SLC12A6: variants seen among roughly 807,000 people sequenced by gnomAD.
SLC12A6 encodes the protein solute carrier family 12 member 6, also known as K-Cl cotransporter 3.
Under a neutral mutation model 135.3 loss-of-function variants are expected in SLC12A6, and 66 were observed. That is an observed-to-expected ratio of 0.49 (90% CI 0.40 to 0.60). The LOEUF is 0.60. SLC12A6 is among the 20% of genes least tolerant of loss of function. The pLI, the probability that SLC12A6 is intolerant of heterozygous loss-of-function variation, is 0.00. For missense variants in SLC12A6, 1,058 were observed against 1,452.3 expected (o/e 0.73, Z 4.41); for synonymous variants, 513 against 508.8 (o/e 1.01, Z -0.11).
At position 34,289,272 on chromosome 15, in the gene SLC12A6, T is replaced by C. The variant is rs149368122; in HGVS notation, c.272-13883A>G. Among the ~76,000 whole-genome samples, 59 of 152,340 alleles carry C rather than the reference T, an allele frequency of 3.9e-4. No individual in the cohort carries two copies. The East Asian group carries it at 7.7e-3, about 20-fold the overall frequency. On this transcript the variant is annotated intron_variant, in intron 2 of 25. Transcript: ENST00000354181. ...TGGTTTTTGTCATTGGTTCTGTTTATATGTTGGATTACGTTTATTGATTTG... is the reference window on the plus strand; with the variant it reads ...TGGTTTTTGTCATTGGTTCTGTTTACATGTTGGATTACGTTTATTGATTTG...
intron 2 of SLC12A6, among the ~76,000 whole-genome samples, chr15:34,319,075 A>G (rs1441934976): frequency 1.3e-5 from 2 of 151,752 alleles, no homozygotes; most frequent in Non-Finnish European, 2.9e-5. Context: ...TCTGCATGTC[A>G]TGATCTCAAC....
intron 2 of SLC12A6, among the ~76,000 whole-genome samples, chr15:34,287,430 C>T (rs971092939): frequency 3.9e-5 from 6 of 151,996 alleles, no homozygotes; most frequent in South Asian, 2.1e-4. Flanking sequence ...TGAATAGTGC[C>T]GCAATAAACA....
chr15:34,245,587 C>T, intron 14 of SLC12A6, 106 bp downstream of exon 14: 1 of 1,077,890 alleles, frequency 9.3e-7, no homozygotes. Context: ...ACTAAAAACC[C>T]ACGTCTCCAC....
intron 17 of SLC12A6, among the ~76,000 whole-genome samples, chr15:34,241,552 A>G (rs995525088): frequency 6.6e-6 from 1 of 152,202 alleles, no homozygotes; most frequent in African/African-American, 2.4e-5. Flanking sequence ...ACAGTTCCCA[A>G]TAAAGCCTGA....
At chr15:34,330,671 A>AAAAAAC (rs1279691270) in intron 2 of SLC12A6, among the ~76,000 whole-genome samples, 3 of 151,856 alleles carry the variant, frequency 2.0e-5, no homozygotes, top group Non-Finnish European at 4.4e-5. Context: ...TGTCTCAAAA[A>AAAAAAC]AAAAACAAAA....
chr15:34,317,596 G>C (rs1389076902), intron 2 of SLC12A6, among the ~76,000 whole-genome samples: 1 of 152,064 alleles, frequency 6.6e-6, no homozygotes, highest in Non-Finnish European at 1.5e-5. Context: ...CCAGCTACTC[G>C]GGAGGCTGAG....
chr15:34,242,287 C>A, intron 16 of SLC12A6, 66 bp from the exon 17 acceptor site: 1 of 1,150,742 alleles, frequency 8.7e-7, no homozygotes, highest in Non-Finnish European at 1.3e-6. Flanking sequence ...GTTAAAGGTG[C>A]TTCTCAAACT....
intron 15 of SLC12A6, among the ~76,000 whole-genome samples, chr15:34,244,364 C>G (rs1050410402): frequency 6.6e-6 from 1 of 152,194 alleles, no homozygotes; most frequent in Non-Finnish European, 1.5e-5. Flanking sequence ...ATTTAAAAAT[C>G]TCTTAAGCTG....
intron 2 of SLC12A6, among the ~76,000 whole-genome samples, chr15:34,331,267 G>A (rs1889826647): frequency 6.6e-6 from 1 of 152,154 alleles, no homozygotes; most frequent in African/African-American, 2.4e-5. Flanking sequence ...AGCCACCTGA[G>A]TAGCTGAGAT....
chr15:34,251,365 A>C (rs994760061), intron 10 of SLC12A6, among the ~76,000 whole-genome samples: 1 of 151,990 alleles, frequency 6.6e-6, no homozygotes, highest in African/African-American at 2.4e-5. Flanking sequence ...CTCCTGCCTC[A>C]GCATCCTGAG....
At chr15:34,261,183 A>G (rs1893099845) in intron 3 of SLC12A6, among the ~76,000 whole-genome samples, 163 bp from the exon 4 acceptor site, 1 of 152,214 alleles carries the variant, frequency 6.6e-6, no homozygotes, top group Admixed American at 6.5e-5. Flanking sequence ...ATGGAACAAA[A>G]TAAAACTCTC....
At chr15:34,271,110 G>C (rs2140863734) in intron 3 of SLC12A6, among the ~76,000 whole-genome samples, 1 of 152,246 alleles carries the variant, frequency 6.6e-6, no homozygotes, top group East Asian at 1.9e-4. Context: ...AAGATGAGTG[G>C]GGGGAGACAC....
At chr15:34,252,502 G>A in intron 9 of SLC12A6, 118 bp from the exon 10 acceptor site, 1 of 674,676 alleles carries the variant, frequency 1.5e-6, no homozygotes, top group African/African-American at 1.8e-5. Flanking sequence ...TACTGTTATG[G>A]GTGGGAAAGG....
intron 2 of SLC12A6, among the ~76,000 whole-genome samples, chr15:34,330,500 T>C (rs995747755): frequency 1.4e-5 from 2 of 146,976 alleles, no homozygotes; most frequent in African/African-American, 5.2e-5. Context: ...TGGTAAAACC[T>C]TGTCTCTACA....
intron 9 of SLC12A6, 105 bp downstream of exon 9, chr15:34,254,243 A>G: frequency 8.2e-7 from 1 of 1,216,950 alleles, no homozygotes; most frequent in Admixed American, 1.7e-5. Context: ...TGAGAGGGAA[A>G]ATCTCAGAGA....
At chr15:34,282,095 G>T (rs112591162) in intron 2 of SLC12A6, among the ~76,000 whole-genome samples, 1,815 of 152,206 alleles carry the variant, frequency 0.012, 15 homozygotes, top group Middle Eastern at 0.037. Flanking sequence ...AGAATAAGCT[G>T]CGATAGTAGC....
Position 34,236,076 on chromosome 15 carries a change from C to T in SLC12A6, c.3166G>A (p.Ala1056Thr). 5 of 1,614,036 alleles carry T rather than the reference C, an allele frequency of 3.1e-6. No individual in the cohort carries two copies. The highest frequency in any genetic ancestry group is 4.2e-6 in the Non-Finnish European group (5 of 1,179,896). Residue 1056 changes from alanine (A) to threonine (T), a missense_variant, in exon 24 of 26, where the codon GCA (alanine) becomes ACA (threonine). Around this residue, in one of 6 missense-constraint regions of SLC12A6, gnomAD observed 245 missense variants for 440.8 expected, o/e 0.56. Transcript: ENST00000354181. Reference sequence around the variant, plus strand: ...GACTTCGCTTTTTGTCCCCGGGATGCCATGTACTTGTCTTTTGTCCAAGTC... The same window carrying T: ...GACTTCGCTTTTTGTCCCCGGGATGTCATGTACTTGTCTTTTGTCCAAGTC... ...HMTWTKDKYM[A>T]SRGQKAKSME...
chr15:34,254,486 A>G lies in SLC12A6; in HGVS notation c.980T>C (p.Val327Ala). Residue 327 changes from valine (V) to alanine (A), a missense_variant, in exon 9 of 26, where the codon GTC becomes GCC. Val to Ala is a moderately conservative substitution (Grantham distance 64). Around this residue, in one of 6 missense-constraint regions of SLC12A6, gnomAD observed 297 missense variants for 318.5 expected, o/e 0.93. Transcript: ENST00000354181. ...GATAAATACCACTAATACCATAAGG[A>G]CCAAGAAAGCTGTGCCGTAGACACG... ...NMRVYGTAFLVLMVLVVFIGV... is the reference protein window; with the variant it reads ...NMRVYGTAFLALMVLVVFIGV... 6.2e-7 allele frequency: 1 copy of G among 1,613,946 alleles called. No individual in the cohort carries two copies. The highest frequency in any genetic ancestry group is 8.5e-7 in the Non-Finnish European group (1 of 1,179,774).
At chr15:34,266,808 T>C (rs902476386) in intron 3 of SLC12A6, among the ~76,000 whole-genome samples, 6 of 152,260 alleles carry the variant, frequency 3.9e-5, no homozygotes, top group African/African-American at 1.2e-4. Context: ...TCCAAATTTA[T>C]TGGCATTTTA....
Sources: allele counts gnomAD v4.1 joint callset (sites outside exome capture counted in the v4.1 genomes callset), GRCh38; gene constraint gnomAD v4.1.1; regional missense constraint gnomAD v4.1.1; transcripts MANE v1.5; gene names NCBI Gene and HGNC (gene_info 2026-07-23, HGNC 2026-07-21).